Variants in BCAR1 observed in about 807,000 individuals in gnomAD.
The protein encoded by BCAR1 is BCAR1 scaffold protein, Cas family member.
In BCAR1, 30 loss-of-function variants were observed where a neutral mutation model predicts 67.6. The ratio of observed to expected loss-of-function variants is 0.44; its 90% CI spans 0.33 to 0.60. The LOEUF (loss-of-function observed/expected upper bound fraction) is 0.60, where lower values mean the gene tolerates loss of function less well. Ranked by LOEUF, BCAR1 falls within the 20% of genes least tolerant of loss-of-function variation. The pLI, the probability that BCAR1 is intolerant of heterozygous loss-of-function variation, is 0.02. For synonymous variants in BCAR1, 626 were observed against 556.7 expected, an observed-to-expected ratio of 1.12 and a Z score of -1.75; for missense variants, 1,313 against 1,222.3, an observed-to-expected ratio of 1.07 and a Z score of -1.11.
At chr16:75,251,702 C>T (rs1310770815), upstream of BCAR1, 11 of 989,986 alleles carry the variant, frequency 1.1e-5, no homozygotes, top group Non-Finnish European at 1.3e-5. Flanking sequence ...GCCCATTGGC[C>T]GCCGCCGCTC....
intron 1 of BCAR1, among the ~76,000 whole-genome samples, chr16:75,243,791 C>T (rs150960821): frequency 6.6e-6 from 1 of 152,168 alleles, no homozygotes; most frequent in South Asian, 2.1e-4. Flanking sequence ...AGTGCCGTGG[C>T]GAGGGCAGGG....
chr16:75,231,577 T>C (rs556869496), intron 6 of BCAR1, among the ~76,000 whole-genome samples: 2 of 152,374 alleles, frequency 1.3e-5, no homozygotes, highest in African/African-American at 4.8e-5. Flanking sequence ...ATGGACTTTA[T>C]GTCCTTGGCC....
At chr16:75,265,547 G>C (rs993069409) in intron 1 of BCAR1, among the ~76,000 whole-genome samples, 1 of 152,020 alleles carries the variant, frequency 6.6e-6, no homozygotes, top group African/African-American at 2.4e-5. Context: ...CCAACAAAGA[G>C]TCTTCCCGAC....
At position 75,229,732 on chromosome 16, in the gene BCAR1, T is replaced by C. The variant is rs1276288174; in HGVS notation, c.2392A>G (p.Thr798Ala). ...GCAGCCTTGGCCTGCCGTGACAGTG[T>C]GTCCCCGATGAACACCAGCTTGTGG... is the stretch of plus-strand genomic sequence containing the variant. ...SAHKLVFIGD[T>A]LSRQAKAADV... Residue 798 changes from threonine (T) to alanine (A), a missense_variant, in exon 7 of 7, where the codon ACA becomes GCA. By Grantham distance (58) the Thr-to-Ala change is moderately conservative. Coordinates refer to ENST00000162330, the MANE Select transcript of BCAR1 (RefSeq NM_014567.5). The C allele has an allele frequency of 1.2e-6, 2 of 1,613,334 alleles. No homozygotes were observed. Among genetic ancestry groups the C allele is most frequent in the South Asian group, 1.1e-5 (1 of 91,082 alleles).
intron 2 of BCAR1, among the ~76,000 whole-genome samples, chr16:75,240,395 C>A (rs181085922): frequency 6.6e-6 from 1 of 152,176 alleles, no homozygotes; most frequent in South Asian, 2.1e-4. Flanking sequence ...CATGAGCAAT[C>A]GGAAACTGCC....
chr16:75,262,462 T>C (rs1334658530), intron 1 of BCAR1, among the ~76,000 whole-genome samples: 1 of 152,158 alleles, frequency 6.6e-6, no homozygotes, highest in Non-Finnish European at 1.5e-5. Context: ...AATGACCTGG[T>C]GAACGAGGCA....
intron 5 of BCAR1, among the ~76,000 whole-genome samples, chr16:75,234,652 A>G (rs1164898506): frequency 2.0e-5 from 3 of 152,246 alleles, no homozygotes; most frequent in African/African-American, 7.2e-5. Flanking sequence ...CTCCCCACAC[A>G]GAACAGCAGA....
chr16:75,264,820 C>G (rs2077969790), intron 1 of BCAR1: 1 of 305,714 alleles, frequency 3.3e-6, no homozygotes, highest in African/African-American at 2.2e-5. Context: ...CCAGAGTGGA[C>G]AGGGCTCTGG....
chr16:75,266,091 T>C (rs930822843), intron 1 of BCAR1: 1 of 983,392 alleles, frequency 1.0e-6, no homozygotes, highest in African/African-American at 1.7e-5. Flanking sequence ...CCTTTTTCTG[T>C]CGGCCCAACG....
intron 1 of BCAR1, chr16:75,266,820 G>A: frequency 7.4e-7 from 1 of 1,342,678 alleles, no homozygotes; most frequent in South Asian, 1.9e-5. Flanking sequence ...CTGTCCCGGA[G>A]GTCAGCGCTG....
chr16:75,254,655 T>C (rs945961087), upstream of BCAR1, among the ~76,000 whole-genome samples: 3 of 152,198 alleles, frequency 2.0e-5, no homozygotes, highest in East Asian at 3.8e-4. Context: ...GAGAGGTTGT[T>C]GCCAGACCAA....
rs191168310 is a variant in BCAR1, at chr16:75,266,470, C to T, written c.66+1445G>A. ...TCCTGTGTCCCTGTAACCCCCACTC[C>T]TGGGCCCACCCTCAGCCCACCGTCC... On this transcript the variant is annotated intron_variant, in intron 1 of 6. Coordinates refer to the BCAR1 transcript ENST00000393422. 282 of 337,526 alleles carry T rather than the reference C, an allele frequency of 8.4e-4. 2 individuals carry two copies. The East Asian group carries it at 0.011, about 13-fold the overall frequency. The allele number at this position is 337,526 out of a possible 1,614,324, so 20.9% of individuals were successfully genotyped here.
intron 1 of BCAR1, among the ~76,000 whole-genome samples, chr16:75,256,709 CGCCCGAG>C (rs1270758508): frequency 6.6e-6 from 1 of 151,884 alleles, no homozygotes; most frequent in Non-Finnish European, 1.5e-5. Context: ...AGCTCACAGC[CGCCCGAG>C]GCCGGTGTGA....
At chr16:75,231,058 T>A (rs2076883640) in intron 6 of BCAR1, among the ~76,000 whole-genome samples, 1 of 151,756 alleles carries the variant, frequency 6.6e-6, no homozygotes, top group Non-Finnish European at 1.5e-5. Context: ...CTATTTTTAT[T>A]TTTATAAAGA....
upstream of BCAR1, among the ~76,000 whole-genome samples, chr16:75,255,670 GAT>G (rs60193393): frequency 7.4e-3 from 1,119 of 150,394 alleles, 14 homozygotes; most frequent in African/African-American, 0.026. Flanking sequence ...CAGCCTGGGC[GAT>G]AGAGCAAGGC....
chr16:75,267,877 C>A, intron 1 of BCAR1: 1 of 1,570,478 alleles, frequency 6.4e-7, no homozygotes, highest in South Asian at 1.2e-5. Flanking sequence ...CAGCCCTTAG[C>A]AGGGAGAGAG....
In BCAR1 at chr16:75,229,842, G is replaced by A; in HGVS notation, c.2282C>T (p.Ala761Val). The A allele has an allele frequency of 6.2e-7, 1 of 1,613,410 alleles. No homozygotes were observed. The highest frequency in any genetic ancestry group is 8.5e-7 in the Non-Finnish European group (1 of 1,179,996). Residue 761 changes from alanine (A) to valine (V), a missense_variant, in exon 7 of 7, where the codon GCC becomes GTC. Around this residue, in one of 2 missense-constraint regions of BCAR1, gnomAD observed 1,272 missense variants for 1,137.5 expected, o/e 1.12. Coordinates refer to ENST00000162330, the MANE Select transcript of BCAR1 (RefSeq NM_014567.5). Reference protein sequence around the residue: ...CEANLTTLTNAVDAFFTAVAT... With the variant: ...CEANLTTLTNVVDAFFTAVAT... ...CACGGCGGTAAAGAAGGCGTCCACG[G>A]CGTTGGTCAGTGTGGTCAGGTTGGC...
intron 1 of BCAR1, chr16:75,266,833 C>G: frequency 7.7e-7 from 1 of 1,290,720 alleles, no homozygotes; most frequent in Non-Finnish European, 1.0e-6. Context: ...CAGCGCTGCC[C>G]ACCCCAGGGA....
upstream of BCAR1, chr16:75,256,420 T>C (rs2077776748): frequency 6.6e-6 from 1 of 152,324 alleles, no homozygotes; most frequent in Non-Finnish European, 1.5e-5. Flanking sequence ...GTCATCCCCT[T>C]TGGCATGCCC....
Sources: allele counts gnomAD v4.1 joint callset (sites outside exome capture counted in the v4.1 genomes callset), GRCh38; gene constraint gnomAD v4.1.1; regional missense constraint gnomAD v4.1.1; transcripts MANE v1.5; gene names NCBI Gene and HGNC (gene_info 2026-07-23, HGNC 2026-07-21).